Variants in CBFA2T3 observed in about 807,000 individuals in gnomAD.
The protein encoded by CBFA2T3 is CBFA2/RUNX1 partner transcriptional co-repressor 3.
A neutral mutation model predicts 58.6 loss-of-function variants in CBFA2T3; 31 were observed. The observed-to-expected ratio is 0.53, with a 90% CI of 0.40 to 0.71. The LOEUF is 0.71. CBFA2T3 is among the 30% of genes least tolerant of loss of function. The pLI is 0.00. For missense variants in CBFA2T3, 1,076 were observed against 963.1 expected (o/e 1.12, Z -1.55); for synonymous variants, 531 against 421.9 (o/e 1.26, Z -3.17).
chr16:88,920,799 C>A (rs1009038247), intron 1 of CBFA2T3, among the ~76,000 whole-genome samples: 2 of 152,186 alleles, frequency 1.3e-5, no homozygotes, highest in African/African-American at 4.8e-5. Flanking sequence ...TGCCTGCTTG[C>A]CAGCCCCAGC....
chr16:88,920,223 A>C (rs73254272), intron 1 of CBFA2T3, among the ~76,000 whole-genome samples: 7,617 of 152,296 alleles, frequency 0.05, 456 homozygotes, highest in African/African-American at 0.14. Context: ...TGGAGCCCCA[A>C]CTGGCTGCCA....
Position 88,977,099 on chromosome 16 carries a change from C to G in CBFA2T3, c.-292G>C. On this transcript the variant is annotated 5_prime_UTR_variant, in exon 1 of 12. Transcript: ENST00000268679. ...CTGCGGGTGAGGCAGCCAGCTGTGT[C>G]CCCGTGATAATGCCGGGGCCGGAGG... is the stretch of plus-strand genomic sequence containing the variant. The G allele has an allele frequency of 2.8e-6, 1 of 361,390 alleles. No homozygotes were observed. 22.4% of individuals were successfully genotyped at this position (361,390 alleles called of 1,614,324 possible).
intron 1 of CBFA2T3, among the ~76,000 whole-genome samples, chr16:88,969,741 T>C (rs1293140889): frequency 6.6e-6 from 1 of 151,742 alleles, no homozygotes; most frequent in Admixed American, 6.6e-5. Context: ...AGGGTGCGAG[T>C]GGCAGGTGCC....
At chr16:88,951,080 C>G (rs1292991777) in intron 1 of CBFA2T3, 1 of 381,272 alleles carries the variant, frequency 2.6e-6, no homozygotes, top group South Asian at 1.7e-5. Flanking sequence ...CACCCCTCCC[C>G]TGGACCGGCA....
intron 1 of CBFA2T3, among the ~76,000 whole-genome samples, chr16:88,952,357 C>A (rs74033214): frequency 0.072 from 10,967 of 151,854 alleles, 1,307 homozygotes; most frequent in African/African-American, 0.25. Context: ...TTCAGCAAGA[C>A]AAATGCCCAG....
At chr16:88,905,715 G>T (rs1970294821) in intron 1 of CBFA2T3, among the ~76,000 whole-genome samples, 1 of 139,140 alleles carries the variant, frequency 7.2e-6, no homozygotes, top group Non-Finnish European at 1.6e-5. Flanking sequence ...GGGGCTGGAG[G>T]GGCGGGGCTG....
chr16:88,962,937 C>T (rs535396612), intron 1 of CBFA2T3, among the ~76,000 whole-genome samples: 4 of 152,302 alleles, frequency 2.6e-5, no homozygotes, highest in South Asian at 4.1e-4. Flanking sequence ...GCTTGATTTC[C>T]ACAGGGCCTC....
At chr16:88,910,999 A>G (rs1326846531) in intron 1 of CBFA2T3, among the ~76,000 whole-genome samples, 2 of 152,302 alleles carry the variant, frequency 1.3e-5, no homozygotes, top group South Asian at 4.1e-4. Flanking sequence ...GCTTGTATCC[A>G]GCCTTCCTGC....
At chr16:88,905,831 C>T (rs1970305987) in intron 1 of CBFA2T3, among the ~76,000 whole-genome samples, 1 of 151,666 alleles carries the variant, frequency 6.6e-6, no homozygotes, top group Non-Finnish European at 1.5e-5. Flanking sequence ...TGCCCAGCTG[C>T]AGGACAGGTG....
In CBFA2T3 at chr16:88,954,458, C is replaced by T. The variant is rs1337250705; in HGVS notation, c.151+22199G>A. Among the ~76,000 whole-genome samples, 5 of 143,506 alleles carry T rather than the reference C, an allele frequency of 3.5e-5. 1 individual carries two copies. The highest frequency in any genetic ancestry group is 5.7e-5 in the African/African-American group (2 of 35,100). 94.1% of individuals were successfully genotyped at this position (143,506 alleles called of 152,430 possible). A position where few individuals can be genotyped will look rare whatever the true frequency, so the allele number is the denominator to read the frequency against. ...CCCCATCCAAGGCTCCTGACCCCAG[C>T]CAAGTGTCCTGACCCCAGCCAAGGC... On this transcript the variant is annotated intron_variant, in intron 1 of 11. Transcript: ENST00000268679.
chr16:88,898,051 G>C, intron 3 of CBFA2T3, 27 bp downstream of exon 3: 1 of 1,559,564 alleles, frequency 6.4e-7, no homozygotes, highest in African/African-American at 1.4e-5. Context: ...CTCTGGGGAG[G>C]CCTGCGGTTT....
At chr16:88,968,347 C>A (rs1017741241) in intron 1 of CBFA2T3, among the ~76,000 whole-genome samples, 4 of 152,208 alleles carry the variant, frequency 2.6e-5, no homozygotes. Flanking sequence ...CACCCGCCGC[C>A]CGGAGAGCCC....
At chr16:88,973,898 C>G in intron 1 of CBFA2T3, among the ~76,000 whole-genome samples, 1 of 131,624 alleles carries the variant, frequency 7.6e-6, no homozygotes, top group South Asian at 2.5e-4. Context: ...TTGCCCGGTC[C>G]CCATAACATC....
At chr16:88,935,240 G>A (rs1413273241) in intron 1 of CBFA2T3, among the ~76,000 whole-genome samples, 1 of 152,234 alleles carries the variant, frequency 6.6e-6, no homozygotes, top group Non-Finnish European at 1.5e-5. Context: ...AGGCTGCATG[G>A]AAGGGCCCCA....
In CBFA2T3 at chr16:88,976,842, C is replaced by T; in HGVS notation, c.-35G>A. On this transcript the variant is annotated 5_prime_UTR_variant, in exon 1 of 12. Transcript: ENST00000268679. Reference sequence around the variant, plus strand: ...CACCCTCAGGGGCCAACCTGGAGCCCAGGACAGGCCTCTACCAGGACTGCC... The same window carrying T: ...CACCCTCAGGGGCCAACCTGGAGCCTAGGACAGGCCTCTACCAGGACTGCC... The T allele has an allele frequency of 1.4e-5, 22 of 1,529,782 alleles. No individual in the cohort carries two copies. The highest frequency in any genetic ancestry group is 1.9e-5 in the Non-Finnish European group (22 of 1,130,598). 94.8% of individuals were successfully genotyped at this position (1,529,782 alleles called of 1,614,324 possible). A position where few individuals can be genotyped will look rare whatever the true frequency, so the allele number is the denominator to read the frequency against.
At position 88,971,981 on chromosome 16, in the gene CBFA2T3, G is replaced by A. The variant is rs563097296; in HGVS notation, c.151+4676C>T. On this transcript the variant is annotated intron_variant, in intron 1 of 11. Transcript: ENST00000268679. ...AGTGAAAGTTGTCTTCGCCTAAAGA[G>A]TGGCCTCCTAGAGCCGCCCCCATGG... is the stretch of plus-strand genomic sequence containing the variant. Among the ~76,000 whole-genome samples, 21 of 152,354 alleles carry A rather than the reference G, an allele frequency of 1.4e-4. No individual in the cohort carries two copies. The South Asian group carries it at 3.7e-3, about 27-fold the overall frequency.
intron 1 of CBFA2T3, among the ~76,000 whole-genome samples, chr16:88,966,079 C>T (rs1035995388): frequency 5.9e-5 from 9 of 152,196 alleles, no homozygotes; most frequent in African/African-American, 1.7e-4. Flanking sequence ...AAGCAGACCT[C>T]GCCTCCTCTC....
chr16:88,889,634 C>G (rs1969542674), intron 5 of CBFA2T3, among the ~76,000 whole-genome samples: 1 of 152,052 alleles, frequency 6.6e-6, no homozygotes, highest in Non-Finnish European at 1.5e-5. Flanking sequence ...AGTGCCTACA[C>G]TACACCTTGA....
At chr16:88,967,560 C>T (rs561217925) in intron 1 of CBFA2T3, among the ~76,000 whole-genome samples, 15 of 152,284 alleles carry the variant, frequency 9.9e-5, no homozygotes, top group African/African-American at 3.4e-4. Flanking sequence ...TTGATCCCAT[C>T]TCGCCGCCCC....
Sources: allele counts gnomAD v4.1 joint callset (sites outside exome capture counted in the v4.1 genomes callset), GRCh38; gene constraint gnomAD v4.1.1; transcripts MANE v1.5; gene names NCBI Gene and HGNC (gene_info 2026-07-23, HGNC 2026-07-21).